Variants in BRCC3 observed in about 807,000 individuals in gnomAD.
BRCC3 encodes the protein BRCA1/BRCA2-containing complex subunit 3, also known as lys-63-specific deubiquitinase BRCC36.
In BRCC3, 15 loss-of-function variants were observed where a neutral mutation model predicts 28.0. The observed-to-expected ratio is 0.54, with a 90% CI of 0.36 to 0.82. The LOEUF is 0.82. Among genes scored for constraint, BRCC3 ranks in the 40% least tolerant of loss-of-function variants. The pLI, the probability that BRCC3 is intolerant of heterozygous loss-of-function variation, is 0.01. For missense variants in BRCC3, 109 were observed against 225.9 expected (o/e 0.48, Z 3.32); for synonymous variants, 66 against 80.3 (o/e 0.82, Z 0.95).
intron 9 of BRCC3, among the ~76,000 whole-genome samples, chrX:155,117,789 C>T (rs1557298992): frequency 9.0e-6 from 1 of 111,636 alleles, no homozygotes; most frequent in Admixed American, 9.5e-5. Flanking sequence ...GAATTATTTA[C>T]TAAATAGGAT....
At chrX:155,077,061 A>C in intron 3 of BRCC3, 109 bp from the exon 4 acceptor site, 2 of 731,449 alleles carry the variant, frequency 2.7e-6, no homozygotes, top group Non-Finnish European at 3.6e-6. Context: ...TCAGTTTTCT[A>C]AAATGGAATA....
At chrX:155,110,610 C>CA (rs2074315210) in intron 7 of BRCC3, among the ~76,000 whole-genome samples, 1 of 109,774 alleles carries the variant, frequency 9.1e-6, no homozygotes, top group Non-Finnish European at 1.9e-5. Flanking sequence ...TTAATGATAT[C>CA]AGTCTTTTCA....
intron 5 of BRCC3, among the ~76,000 whole-genome samples, chrX:155,086,299 C>A (rs142678376): frequency 9.0e-6 from 1 of 111,603 alleles, no homozygotes; most frequent in Non-Finnish European, 1.9e-5. Flanking sequence ...AACATGCATG[C>A]GATGTCCACA....
intron 5 of BRCC3, among the ~76,000 whole-genome samples, chrX:155,085,206 C>G (rs782501579): frequency 8.9e-6 from 1 of 112,347 alleles, no homozygotes; most frequent in East Asian, 2.8e-4. Flanking sequence ...CATTCCTCCA[C>G]TGACATTAAA....
In BRCC3 at chrX:155,077,187, T is replaced by C. The variant is rs782465560; in HGVS notation, c.213T>C (p.Ile71=). 1 of 1,187,311 alleles carries C rather than the reference T, an allele frequency of 8.4e-7. No homozygotes were observed. The highest frequency in any genetic ancestry group is 3.1e-5 in the East Asian group (1 of 32,294). ...TCCTTTAGGTTGATGCCGTCAGAAT[T>C]GTTCACATTCATTCTGTCATCATCT... The part of the protein sequence containing the change: ...TVAEKVDAVR[I]VHIHSVIILR... The change falls in exon 4 of 11, where the codon ATT becomes ATC. Residue 71 remains isoleucine (I), a synonymous_variant. Transcript: ENST00000330045.
chrX:155,086,410 G>A (rs782237050), intron 5 of BRCC3, among the ~76,000 whole-genome samples: 9 of 111,580 alleles, frequency 8.1e-5, no homozygotes, highest in East Asian at 2.8e-4. Flanking sequence ...GTGCGATGGC[G>A]CGCCCTCTCA....
At chrX:155,114,063 A>G (rs2074339120) in intron 7 of BRCC3, among the ~76,000 whole-genome samples, 1 of 110,901 alleles carries the variant, frequency 9.0e-6, no homozygotes, top group African/African-American at 3.3e-5. Context: ...TTCTTTAAAA[A>G]CCTAAAAATA....
intron 7 of BRCC3, among the ~76,000 whole-genome samples, chrX:155,105,356 G>A (rs1394890754): frequency 8.1e-5 from 9 of 111,531 alleles, no homozygotes; most frequent in African/African-American, 2.3e-4. Context: ...GGTGGCGCAT[G>A]CCTGTAATCC....
intron 4 of BRCC3, among the ~76,000 whole-genome samples, chrX:155,077,901 C>T (rs1006900396): frequency 8.9e-6 from 1 of 112,190 alleles, no homozygotes; most frequent in Non-Finnish European, 1.9e-5. Flanking sequence ...CACATGCTTC[C>T]GCTCATCAGT....
At chrX:155,115,894 C>G (rs782660577) in intron 7 of BRCC3, among the ~76,000 whole-genome samples, 163 bp from the exon 8 acceptor site, 1 of 112,195 alleles carries the variant, frequency 8.9e-6, no homozygotes, top group African/African-American at 3.2e-5. Flanking sequence ...CAGACGAACC[C>G]AGTTTGAACT....
intron 7 of BRCC3, among the ~76,000 whole-genome samples, chrX:155,096,680 C>T (rs1557296291): frequency 8.9e-6 from 1 of 112,120 alleles, no homozygotes; most frequent in East Asian, 2.8e-4. Flanking sequence ...TATGAAACTA[C>T]AAAAGTTCCT....
chrX:155,078,193 A>G (rs782602301), intron 4 of BRCC3, among the ~76,000 whole-genome samples: 1 of 112,753 alleles, frequency 8.9e-6, no homozygotes, highest in African/African-American at 3.2e-5. Flanking sequence ...TTGAAAATAT[A>G]TCTTAGAAAT....
chrX:155,091,942 A>T (rs1391716685), intron 7 of BRCC3, among the ~76,000 whole-genome samples: 1 of 111,956 alleles, frequency 8.9e-6, no homozygotes, highest in Non-Finnish European at 1.9e-5. Context: ...GTCAAGAAAA[A>T]TTAATTTTTA....
chrX:155,092,633 C>A (rs1213522180), intron 7 of BRCC3, among the ~76,000 whole-genome samples: 1 of 110,577 alleles, frequency 9.0e-6, no homozygotes, highest in African/African-American at 3.3e-5. Flanking sequence ...AGCTCTACAT[C>A]CTCAGAAGTA....
intron 9 of BRCC3, among the ~76,000 whole-genome samples, chrX:155,119,171 C>T (rs1294890352): frequency 8.9e-6 from 1 of 111,859 alleles, no homozygotes; most frequent in African/African-American, 3.2e-5. Flanking sequence ...CAGCTTTTCA[C>T]CTTTTCAAAG....
chrX:155,108,915 T>C (rs1557297813), intron 7 of BRCC3, among the ~76,000 whole-genome samples: 2 of 111,812 alleles, frequency 1.8e-5, no homozygotes, highest in African/African-American at 6.5e-5. Flanking sequence ...TGCTTTTTAG[T>C]GTCCTACACT....
chrX:155,088,827 T>C (rs1279832418), intron 5 of BRCC3, among the ~76,000 whole-genome samples: 3 of 112,180 alleles, frequency 2.7e-5, no homozygotes, highest in African/African-American at 9.7e-5. Flanking sequence ...ACCACTTCCA[T>C]ACAATGGCTT....
At chrX:155,099,348 C>T in intron 7 of BRCC3, 1 of 1,209,633 alleles carries the variant, frequency 8.3e-7, no homozygotes, top group Non-Finnish European at 1.1e-6. Context: ...TCTGGAGCTC[C>T]AGCCAGCACA....
chrX:155,109,344 C>T (rs2074305552), intron 7 of BRCC3, among the ~76,000 whole-genome samples: 1 of 111,777 alleles, frequency 8.9e-6, no homozygotes, highest in South Asian at 3.7e-4. Flanking sequence ...TTGATTTCCA[C>T]AAGAAAACTT....
Sources: allele counts gnomAD v4.1 joint callset (sites outside exome capture counted in the v4.1 genomes callset), GRCh38; gene constraint gnomAD v4.1.1; transcripts MANE v1.5; gene names NCBI Gene and HGNC (gene_info 2026-07-23, HGNC 2026-07-21).